The following CHLSN variants were observed in gnomAD, a reference collection of about 807,000 sequenced individuals.
CHLSN encodes the protein cholesin.
chr7:1,040,180 AT>A, the CHLSN span, among the ~76,000 whole-genome samples: 4,346 of 75,626 alleles, frequency 0.057, 316 homozygotes, highest in African/African-American at 0.21. Context: ...AAAAAAATAA[AT>A]TTAAAAAAAA....
the CHLSN span, chr7:1,026,907 A>G: frequency 6.6e-6 from 1 of 152,248 alleles, no homozygotes; most frequent in African/African-American, 2.4e-5. Flanking sequence ...TGCTGTCAGG[A>G]AACTGCAGGG....
chr7:1,012,247 G>C, the CHLSN span, among the ~76,000 whole-genome samples: 1 of 152,372 alleles, frequency 6.6e-6, no homozygotes, highest in South Asian at 2.1e-4. Context: ...CACATGCGTG[G>C]GGCACCCGGA....
the CHLSN span, among the ~76,000 whole-genome samples, chr7:1,006,768 C>A: frequency 0.082 from 12,376 of 151,658 alleles, 592 homozygotes; most frequent in South Asian, 0.15. Context: ...AGGGAAAGAG[C>A]ACACGACGGC....
chr7:1,118,649 C>CA, the CHLSN span, among the ~76,000 whole-genome samples: 1 of 151,338 alleles, frequency 6.6e-6, no homozygotes, highest in African/African-American at 2.4e-5. Flanking sequence ...GAACACTGTC[C>CA]AAAAAAACAA....
the CHLSN span, among the ~76,000 whole-genome samples, chr7:1,048,177 G>A: frequency 1.3e-5 from 2 of 152,170 alleles, no homozygotes; most frequent in African/African-American, 4.8e-5. Flanking sequence ...TTCTAGGCAA[G>A]GGATCAACAT....
the CHLSN span, among the ~76,000 whole-genome samples, chr7:1,008,720 G>GA: frequency 3.3e-5 from 5 of 152,262 alleles, no homozygotes; most frequent in South Asian, 8.3e-4. Flanking sequence ...CCGTCCTGGG[G>GA]ATGCACACAC....
At chr7:1,092,380 G>A in the CHLSN span, 3 of 1,534,276 alleles carry the variant, frequency 2.0e-6, no homozygotes, top group Non-Finnish European at 2.6e-6. Context: ...GCAGTGGCTC[G>A]AGGTCACGCT....
the CHLSN span, among the ~76,000 whole-genome samples, chr7:1,044,264 A>G: frequency 1.3e-5 from 2 of 152,258 alleles, no homozygotes; most frequent in Non-Finnish European, 2.9e-5. Flanking sequence ...CAGCGCCTGT[A>G]AAAAGAAACC....
chr7:1,058,800 C>T, the CHLSN span: 2 of 460,556 alleles, frequency 4.3e-6, no homozygotes, highest in Non-Finnish European at 8.0e-6. Flanking sequence ...GCCTCCTCAG[C>T]ATTCAGTTTG....
At chr7:1,034,417 A>T in the CHLSN span, among the ~76,000 whole-genome samples, 2 of 152,080 alleles carry the variant, frequency 1.3e-5, no homozygotes, top group African/African-American at 4.8e-5. Flanking sequence ...GGTAAAGACA[A>T]GATTATTCTA....
the CHLSN span, among the ~76,000 whole-genome samples, chr7:1,081,474 G>A: frequency 2.6e-5 from 4 of 152,358 alleles, no homozygotes; most frequent in East Asian, 7.7e-4. Context: ...GGGCTCGAGC[G>A]GGGCTTGGCA....
the CHLSN span, among the ~76,000 whole-genome samples, chr7:1,046,658 C>T: frequency 6.6e-6 from 1 of 152,154 alleles, no homozygotes; most frequent in Admixed American, 6.5e-5. Context: ...TGCTGTCTAC[C>T]CAGGAGCCTC....
chr7:980,048 G>A, the CHLSN span, among the ~76,000 whole-genome samples: 5 of 152,238 alleles, frequency 3.3e-5, no homozygotes, highest in African/African-American at 1.2e-4. Flanking sequence ...AAGACCACAA[G>A]CCCTCCTGTG....
chr7:1,124,944 G>C, the CHLSN span, among the ~76,000 whole-genome samples: 2 of 152,162 alleles, frequency 1.3e-5, no homozygotes, highest in African/African-American at 4.8e-5. Context: ...GAGAGCCCAG[G>C]ACAAGCTGTC....
At chr7:1,058,464 G>T in the CHLSN span, 1 of 780,372 alleles carries the variant, frequency 1.3e-6, no homozygotes, top group Admixed American at 1.7e-5. Flanking sequence ...GCTGCCCTGC[G>T]GGGACCGGCA....
the CHLSN span, among the ~76,000 whole-genome samples, chr7:996,694 C>G: frequency 6.6e-6 from 1 of 152,272 alleles, no homozygotes; most frequent in Non-Finnish European, 1.5e-5. Context: ...TTCCCGGTGC[C>G]CCGCGGCACC....
chr7:1,009,328 T>G, the CHLSN span, among the ~76,000 whole-genome samples: 2 of 152,096 alleles, frequency 1.3e-5, no homozygotes, highest in African/African-American at 4.8e-5. Flanking sequence ...CAGTCAGCAC[T>G]CAGGGAGACG....
the CHLSN span, among the ~76,000 whole-genome samples, chr7:1,012,209 C>T: frequency 2.6e-4 from 39 of 152,376 alleles, no homozygotes; most frequent in African/African-American, 8.9e-4. Context: ...GCACAGGGGC[C>T]GCCGCGGTGG....
At chr7:1,122,440 G>A in the CHLSN span, among the ~76,000 whole-genome samples, 1 of 152,212 alleles carries the variant, frequency 6.6e-6, no homozygotes, top group Non-Finnish European at 1.5e-5. Flanking sequence ...TGCATGGGGT[G>A]GTCACGCGTA....
Sources: gnomAD v4.1 joint callset for allele counts (sites outside exome capture counted in the v4.1 genomes callset) on GRCh38, gnomAD v4.1.1 for gene constraint, MANE v1.5 for transcripts, NCBI Gene and HGNC (gene_info 2026-07-23, HGNC 2026-07-21) for gene names.